The following GRIN2A variants were observed in gnomAD, a reference collection of about 807,000 sequenced individuals.
GRIN2A encodes the protein glutamate ionotropic receptor NMDA type subunit 2A, also known as glutamate receptor ionotropic, NMDA 2A.
A neutral mutation model predicts 113.4 loss-of-function variants in GRIN2A; 22 were observed. The ratio of observed to expected loss-of-function variants is 0.19; its 90% CI spans 0.14 to 0.28. The LOEUF (loss-of-function observed/expected upper bound fraction) is 0.28. GRIN2A is among the 10% of genes least tolerant of loss of function. GRIN2A has a pLI of 1.00. For synonymous variants in GRIN2A, 827 were observed against 738.4 expected (o/e 1.12, Z -1.94); for missense variants, 1,502 against 1,887.0 (o/e 0.80, Z 3.78).
intron 2 of GRIN2A, among the ~76,000 whole-genome samples, chr16:10,102,142 G>A (rs1443650616): frequency 6.6e-6 from 1 of 152,328 alleles, no homozygotes; most frequent in Admixed American, 6.5e-5. Flanking sequence ...GATATGGTTT[G>A]GGTGTTTGTT....
chr16:9,858,451 GA>G (rs994044755), intron 4 of GRIN2A, among the ~76,000 whole-genome samples: 5 of 151,602 alleles, frequency 3.3e-5, no homozygotes, highest in East Asian at 1.9e-4. Flanking sequence ...TGTGGGAGGA[GA>G]AAAAAAATCT....
chr16:9,943,558 A>C lies in GRIN2A; in HGVS notation c.415-5007T>G, dbSNP rs116131709. Among the ~76,000 whole-genome samples the C allele has an allele frequency of 3.6e-3, 545 of 152,314 alleles. 5 individuals are homozygous for C. The highest frequency in any genetic ancestry group is 0.012 in the African/African-American group (503 of 41,576). On this transcript the variant is annotated intron_variant, in intron 2 of 12. Coordinates refer to ENST00000330684, the MANE Select transcript of GRIN2A (RefSeq NM_001134407.3). ...TTACATTCCATTTACCCATTCATAA[A>C]GGTTACAAAGCCCATCCACACCCAT...
chr16:9,850,058 A>G, intron 4 of GRIN2A, 97 bp from the exon 5 acceptor site: 1 of 1,026,982 alleles, frequency 9.7e-7, no homozygotes, highest in Non-Finnish European at 1.5e-6. Context: ...ATCCGTCTCA[A>G]GGGCCTTTCT....
At chr16:9,974,937 C>G (rs906631657) in intron 2 of GRIN2A, among the ~76,000 whole-genome samples, 1 of 152,090 alleles carries the variant, frequency 6.6e-6, no homozygotes, top group Non-Finnish European at 1.5e-5. Flanking sequence ...AGGAAAAGCT[C>G]TCAATTTTCA....
intron 10 of GRIN2A, among the ~76,000 whole-genome samples, chr16:9,807,385 GGAGA>G (rs1171109967): frequency 1.2e-3 from 97 of 81,856 alleles, no homozygotes; most frequent in Middle Eastern, 4.7e-3. Flanking sequence ...AGAGGGGGAG[GGAGA>G]GAGGGAGGGA....
At chr16:10,077,553 G>A (rs1208524801) in intron 2 of GRIN2A, among the ~76,000 whole-genome samples, 1 of 152,174 alleles carries the variant, frequency 6.6e-6, no homozygotes, top group Non-Finnish European at 1.5e-5. Flanking sequence ...AGTATCAACA[G>A]TGAAGCCAGA....
At chr16:9,934,893 G>T (rs2044677808) in intron 3 of GRIN2A, among the ~76,000 whole-genome samples, 1 of 151,808 alleles carries the variant, frequency 6.6e-6, no homozygotes, top group Admixed American at 6.6e-5. Flanking sequence ...GACACCACCA[G>T]CCCTGCATGG....
At chr16:9,984,574 T>C (rs1273953355) in intron 2 of GRIN2A, among the ~76,000 whole-genome samples, 1 of 152,170 alleles carries the variant, frequency 6.6e-6, no homozygotes, top group Non-Finnish European at 1.5e-5. Flanking sequence ...CATATGAATA[T>C]CCACTTTTCC....
At chr16:9,804,175 G>C (rs943022206) in intron 10 of GRIN2A, among the ~76,000 whole-genome samples, 1 of 152,156 alleles carries the variant, frequency 6.6e-6, no homozygotes, top group Admixed American at 6.5e-5. Flanking sequence ...CACCTGAAAC[G>C]GAAGCCCGCC....
chr16:10,078,585 C>A (rs1411274949), intron 2 of GRIN2A, among the ~76,000 whole-genome samples: 1 of 152,132 alleles, frequency 6.6e-6, no homozygotes, highest in African/African-American at 2.4e-5. Flanking sequence ...CAGGAGAAGC[C>A]AGGCCACGTA....
intron 2 of GRIN2A, among the ~76,000 whole-genome samples, chr16:9,994,604 TA>T (rs1286030829): frequency 7.9e-5 from 12 of 152,280 alleles, no homozygotes; most frequent in African/African-American, 2.6e-4. Flanking sequence ...TATTGATTTG[TA>T]TCAAAACAGA....
intron 2 of GRIN2A, among the ~76,000 whole-genome samples, chr16:10,083,283 C>T (rs184056182): frequency 2.6e-4 from 40 of 152,306 alleles, no homozygotes; most frequent in Admixed American, 2.2e-3. Context: ...TTCTTCCAAC[C>T]GCAGACTCCA....
Position 9,780,994 on chromosome 16 carries a change from C to CTTTTTTT in GRIN2A, c.2357-11912_2357-11906dup, listed in dbSNP as rs5815547. On this transcript the variant is annotated intron_variant, in intron 11 of 12. Coordinates refer to ENST00000330684, the MANE Select transcript of GRIN2A (RefSeq NM_001134407.3). ...ATTGTTTAAGCCAGAGGTCACTAAT[C>CTTTTTTT]TTTTTTTTTTTTTATGGTAAACGGC... 3.9e-3 allele frequency among the ~76,000 whole-genome samples: 568 copies of CTTTTTTT among 145,324 alleles called. 3 individuals carry two copies. The highest frequency in any genetic ancestry group is 0.012 in the African/African-American group (485 of 39,356).
intron 2 of GRIN2A, among the ~76,000 whole-genome samples, chr16:10,158,959 C>T (rs1410772771): frequency 1.3e-5 from 2 of 152,082 alleles, no homozygotes; most frequent in African/African-American, 2.4e-5. Context: ...GTCAAAGTGG[C>T]CAAAATGTTG....
chr16:9,989,791 C>T (rs1387649017), intron 2 of GRIN2A, among the ~76,000 whole-genome samples: 1 of 152,078 alleles, frequency 6.6e-6, no homozygotes, highest in East Asian at 1.9e-4. Context: ...AAATGCTCAG[C>T]ATCATTAATC....
chr16:9,778,403 T>C (rs1901736000), intron 11 of GRIN2A, among the ~76,000 whole-genome samples: 1 of 152,240 alleles, frequency 6.6e-6, no homozygotes, highest in Non-Finnish European at 1.5e-5. Context: ...AATGAATTCA[T>C]AGTGACTTTT....
At chr16:10,165,490 T>C (rs973133316) in intron 2 of GRIN2A, among the ~76,000 whole-genome samples, 1 of 140,028 alleles carries the variant, frequency 7.1e-6, no homozygotes, top group Admixed American at 7.8e-5. Context: ...TTAAAGTTCT[T>C]ATATTTTTGA....
At chr16:10,114,845 T>A (rs2048698045) in intron 2 of GRIN2A, among the ~76,000 whole-genome samples, 1 of 152,258 alleles carries the variant, frequency 6.6e-6, no homozygotes, top group South Asian at 2.1e-4. Context: ...GCCCCCGATG[T>A]GCCAGGTCTG....
chr16:10,147,123 T>G (rs1408489096), intron 2 of GRIN2A, among the ~76,000 whole-genome samples: 8 of 151,962 alleles, frequency 5.3e-5, no homozygotes, highest in Admixed American at 5.2e-4. Flanking sequence ...GCAAAATACT[T>G]ATGGCACCCC....
Sources: allele counts gnomAD v4.1 joint callset (sites outside exome capture counted in the v4.1 genomes callset), GRCh38; gene constraint gnomAD v4.1.1; transcripts MANE v1.5; gene names NCBI Gene and HGNC (gene_info 2026-07-23, HGNC 2026-07-21).